AGAP1: variants seen among roughly 807,000 people sequenced by gnomAD.
The protein encoded by AGAP1 is arf-GAP with GTPase, ANK repeat and PH domain-containing protein 1.
A neutral mutation model predicts 105.3 loss-of-function variants in AGAP1; 29 were observed. The observed-to-expected ratio is 0.28, with a 90% CI of 0.21 to 0.38. The LOEUF is 0.38. AGAP1 is among the 10% of genes least tolerant of loss of function. AGAP1 has a pLI of 1.00. For missense variants in AGAP1, 998 were observed against 1,165.1 expected (o/e 0.86, Z 2.09); for synonymous variants, 509 against 485.9 (o/e 1.05, Z -0.63).
At chr2:235,715,305 G>A (rs975008698) in intron 2 of AGAP1, among the ~76,000 whole-genome samples, 1 of 152,194 alleles carries the variant, frequency 6.6e-6, no homozygotes, top group African/African-American at 2.4e-5. Flanking sequence ...TTCGGAGCTG[G>A]TGTCTTGGCC....
chr2:235,958,037 CTCTTT>C lies in AGAP1; in HGVS notation c.1484-10418_1484-10414del, dbSNP rs1026814572. The stretch of plus-strand genomic sequence containing the variant: ...ACATACGTGCTTAGCATTTTCCTCT[CTCTTT>C]TCTTTTGTCTTTCTTTTCCTTTTTT... On this transcript the variant is annotated intron_variant, in intron 12 of 17. Coordinates refer to ENST00000304032, the MANE Select transcript of AGAP1 (RefSeq NM_001037131.3). This position sits in a 1 kb window ranked among gnomAD's most constrained non-coding sequence, Gnocchi z 4.1. Among the ~76,000 whole-genome samples, 23 of 152,330 alleles carry C rather than the reference CTCTTT, an allele frequency of 1.5e-4. No individual in the cohort carries two copies. The highest frequency in any genetic ancestry group is 5.5e-4 in the African/African-American group (23 of 41,572).
chr2:235,925,999 A>AT (rs2052429154), intron 11 of AGAP1, among the ~76,000 whole-genome samples: 1 of 152,242 alleles, frequency 6.6e-6, no homozygotes, highest in Non-Finnish European at 1.5e-5. Flanking sequence ...GAATACAGTG[A>AT]TTTTAAACAG....
intron 8 of AGAP1, among the ~76,000 whole-genome samples, chr2:235,807,036 A>G (rs1252511506): frequency 2.6e-5 from 4 of 152,224 alleles, no homozygotes; most frequent in Non-Finnish European, 5.9e-5. Context: ...AGTCAGGGGG[A>G]AAGTTTAGAT....
At chr2:235,802,853 TG>T (rs1404331116) in intron 8 of AGAP1, among the ~76,000 whole-genome samples, 3 of 141,706 alleles carry the variant, frequency 2.1e-5, no homozygotes, top group Non-Finnish European at 4.6e-5. Flanking sequence ...GTTGTGATGA[TG>T]GTTGTGATGG....
chr2:236,131,772 TAAAG>T lies in AGAP1; in HGVS notation c.*7654_*7657del, dbSNP rs1362978015. The T allele has an allele frequency of 6.6e-6, 1 of 151,592 alleles. No individual in the cohort carries two copies. The highest frequency in any genetic ancestry group is 6.6e-5 in the Admixed American group (1 of 15,230). The allele number at this position is 151,592 out of a possible 1,614,324, so 9.4% of individuals were successfully genotyped here. A position where few individuals can be genotyped will look rare whatever the true frequency, so the allele number is the denominator to read the frequency against. The stretch of plus-strand genomic sequence containing the variant: ...CTATGGTGTAGAGACCTCTTTCTAA[TAAAG>T]AAATGAAAATATGTCTACACCGCTT... On this transcript the variant is annotated 3_prime_UTR_variant, in exon 18 of 18. Transcript: ENST00000304032. The surrounding 1 kb of genome is among the most constrained non-coding windows in gnomAD (Gnocchi z 5.9).
At chr2:236,011,765 A>C (rs1007548203) in intron 13 of AGAP1, among the ~76,000 whole-genome samples, 4 of 152,194 alleles carry the variant, frequency 2.6e-5, no homozygotes, top group Admixed American at 2.6e-4. Context: ...GGAAAGTTTT[A>C]GTCTATTGCT....
Position 236,120,064 on chromosome 2 carries a change from C to A in AGAP1, c.2115-128C>A, listed in dbSNP as rs563693160. ...ACGTTTCCCCCAGGGGGCTTTGTGCCGAGTGAAGACCTTTGCTTTCTGTTA... is the reference window on the plus strand; with the variant it reads ...ACGTTTCCCCCAGGGGGCTTTGTGCAGAGTGAAGACCTTTGCTTTCTGTTA... On this transcript the variant is annotated intron_variant, in intron 16 of 17. Coordinates refer to ENST00000304032, the MANE Select transcript of AGAP1 (RefSeq NM_001037131.3). This position sits in a 1 kb window ranked among gnomAD's most constrained non-coding sequence, Gnocchi z 6.0. The A allele has an allele frequency of 3.0e-6, 4 of 1,340,752 alleles. No homozygotes were observed. Among genetic ancestry groups the A allele is most frequent in the Admixed American group, 2.5e-5 (1 of 40,356 alleles). 83.1% of individuals were successfully genotyped at this position (1,340,752 alleles called of 1,614,324 possible).
At chr2:235,587,628 A>T (rs1268350055) in intron 1 of AGAP1, among the ~76,000 whole-genome samples, 1 of 152,048 alleles carries the variant, frequency 6.6e-6, no homozygotes, top group Non-Finnish European at 1.5e-5. Flanking sequence ...TGTGGCAGGC[A>T]CCTGTAATCC....
At chr2:235,509,574 T>C (rs1941984262) in intron 1 of AGAP1, among the ~76,000 whole-genome samples, 1 of 151,896 alleles carries the variant, frequency 6.6e-6, no homozygotes, top group African/African-American at 2.4e-5. Context: ...CTCTTGAAAG[T>C]TTACCATTTG....
At chr2:235,514,171 C>CGT (rs1942279146) in intron 1 of AGAP1, among the ~76,000 whole-genome samples, 1 of 152,188 alleles carries the variant, frequency 6.6e-6, no homozygotes, top group Non-Finnish European at 1.5e-5. Flanking sequence ...CGCACACACA[C>CGT]ACACACACAC....
At chr2:236,075,102 T>C (rs1336254549) in intron 16 of AGAP1, among the ~76,000 whole-genome samples, 2 of 152,090 alleles carry the variant, frequency 1.3e-5, no homozygotes, top group African/African-American at 4.8e-5. Context: ...TGATTCGGTT[T>C]ACATGGCGTC....
intron 16 of AGAP1, among the ~76,000 whole-genome samples, chr2:236,070,717 C>T (rs1307670236): frequency 6.6e-6 from 1 of 152,024 alleles, no homozygotes; most frequent in East Asian, 1.9e-4. Context: ...ATGAAATGGC[C>T]AGAATAGGCC....
intron 16 of AGAP1, chr2:236,049,675 C>G (rs537188217): frequency 3.2e-4 from 50 of 155,600 alleles, no homozygotes; most frequent in Non-Finnish European, 4.5e-4. Context: ...CTGTCGATCC[C>G]CCCCCCGCAC....
Position 235,733,223 on chromosome 2 carries a change from G to A in AGAP1, c.311-7740G>A, listed in dbSNP as rs1037876844. The stretch of plus-strand genomic sequence containing the variant: ...ACTTCTCCCGCTCACCAGGCAACAC[G>A]GGCATCTTCTTTGCCTCCGGAGAGC... On this transcript the variant is annotated intron_variant, in intron 3 of 17. Coordinates refer to ENST00000304032, the MANE Select transcript of AGAP1 (RefSeq NM_001037131.3). The surrounding 1 kb of genome is among the most constrained non-coding windows in gnomAD (Gnocchi z 5.0). 3.3e-5 allele frequency among the ~76,000 whole-genome samples: 5 copies of A among 152,172 alleles called. No individual in the cohort carries two copies. The highest frequency in any genetic ancestry group is 6.5e-5 in the Admixed American group (1 of 15,280).
rs535755962 is a variant in AGAP1, at chr2:235,824,344, A to C, written c.1050+17013A>C. 7.2e-4 allele frequency among the ~76,000 whole-genome samples: 110 copies of C among 152,344 alleles called. No individual in the cohort carries two copies. The highest frequency in any genetic ancestry group is 6.6e-3 in the South Asian group (32 of 4,824). On this transcript the variant is annotated intron_variant, in intron 9 of 17. Transcript: ENST00000304032. The surrounding 1 kb of genome is among the most constrained non-coding windows in gnomAD (Gnocchi z 5.2). The stretch of plus-strand genomic sequence containing the variant: ...TTAATTAGTTGATTACTAGTTCTTT[A>C]AAATGTACTGTACTCACTGTGGGTC...
At position 235,904,467 on chromosome 2, in the gene AGAP1, G is replaced by T. The variant is rs1443194018; in HGVS notation, c.1156-4271G>T. On this transcript the variant is annotated intron_variant, in intron 10 of 17. Coordinates refer to ENST00000304032, the MANE Select transcript of AGAP1 (RefSeq NM_001037131.3). The surrounding 1 kb of genome is among the most constrained non-coding windows in gnomAD (Gnocchi z 4.2). ...CACCTCTGGGGGGCCTGGCTCTTGA[G>T]TGGGCCCCAGGGACTTGTTAAGTGC... Among the ~76,000 whole-genome samples, 1 of 152,174 alleles carries T rather than the reference G, an allele frequency of 6.6e-6. No individual in the cohort carries two copies. Among genetic ancestry groups the T allele is most frequent in the Non-Finnish European group, 1.5e-5 (1 of 68,036 alleles).
intron 1 of AGAP1, among the ~76,000 whole-genome samples, chr2:235,686,725 G>C (rs1312916306): frequency 6.9e-6 from 1 of 144,522 alleles, no homozygotes; most frequent in African/African-American, 2.6e-5. Context: ...GCAGTGGCGT[G>C]ATCATGGTTC....
rs1378312052 is a variant in AGAP1 at position 235,623,270 on chromosome 2, C to CAAT, written c.164-85909_164-85908insAAT. On this transcript the variant is annotated intron_variant, in intron 1 of 17. Coordinates refer to ENST00000304032, the MANE Select transcript of AGAP1 (RefSeq NM_001037131.3). This position sits in a 1 kb window ranked among gnomAD's most constrained non-coding sequence, Gnocchi z 4.5. The stretch of plus-strand genomic sequence containing the variant: ...TGCAGGCTGACCTCTGCTTGTTGAT[C>CAAT]GTATTACAGCATGTTGGGCATGTCA... Among the ~76,000 whole-genome samples the CAAT allele has an allele frequency of 6.6e-6, 1 of 152,106 alleles. No individual in the cohort carries two copies. The highest frequency in any genetic ancestry group is 3.2e-3 in the Middle Eastern group (1 of 316).
In AGAP1 at chr2:235,970,226, A is replaced by AC. The variant is rs2054584948; in HGVS notation, c.1645+1603_1645+1604insC. ...GTCTTTAAAAAAAAAAAAAAAAAAA[A>AC]AAGACGATTTTTCTCATGTTGTGGG... On this transcript the variant is annotated intron_variant, in intron 13 of 17. Coordinates refer to ENST00000304032, the MANE Select transcript of AGAP1 (RefSeq NM_001037131.3). This position sits in a 1 kb window ranked among gnomAD's most constrained non-coding sequence, Gnocchi z 5.4. Among the ~76,000 whole-genome samples the AC allele has an allele frequency of 6.6e-6, 1 of 151,384 alleles. No individual in the cohort carries two copies. The highest frequency in any genetic ancestry group is 1.5e-5 in the Non-Finnish European group (1 of 67,810).
Sources: allele counts gnomAD v4.1 joint callset (sites outside exome capture counted in the v4.1 genomes callset), GRCh38; gene constraint gnomAD v4.1.1; non-coding constraint Gnocchi (gnomAD v3.1); transcripts MANE v1.5; gene names NCBI Gene and HGNC (gene_info 2026-07-23, HGNC 2026-07-21).